Variants in BLTP1 observed in about 807,000 individuals in gnomAD.
BLTP1 encodes fragile site-associated protein.
the BLTP1 span, chr4:122,315,747 T>C: frequency 3.1e-5 from 48 of 1,524,970 alleles, no homozygotes; most frequent in Non-Finnish European, 4.2e-5. Flanking sequence ...GACAGGGATA[T>C]TTTTTGTTCA....
the BLTP1 span, chr4:122,304,666 T>C: frequency 7.0e-7 from 1 of 1,428,710 alleles, no homozygotes; most frequent in Non-Finnish European, 9.2e-7. Context: ...ACCCATATTA[T>C]CTCCAAGGTA....
the BLTP1 span, chr4:122,281,902 T>A: frequency 6.9e-6 from 9 of 1,298,728 alleles, no homozygotes; most frequent in East Asian, 2.7e-4. Flanking sequence ...ACATTTAAAG[T>A]TCATTAATGA....
chr4:122,188,544 A>G, the BLTP1 span, among the ~76,000 whole-genome samples: 6 of 152,032 alleles, frequency 3.9e-5, no homozygotes, highest in African/African-American at 1.2e-4. Flanking sequence ...AAGATGGTAT[A>G]GTTTTGAGAC....
At chr4:122,325,983 A>C in the BLTP1 span, 1 of 424,370 alleles carries the variant, frequency 2.4e-6, no homozygotes, top group South Asian at 2.2e-5. Context: ...ATCTACTTTC[A>C]AAATATCTTC....
the BLTP1 span, chr4:122,348,434 C>A: frequency 2.8e-6 from 2 of 724,860 alleles, no homozygotes; most frequent in East Asian, 2.9e-5. Context: ...ATAGGATAAC[C>A]ATTAAACATT....
At chr4:122,212,686 A>G in the BLTP1 span, among the ~76,000 whole-genome samples, 3 of 152,178 alleles carry the variant, frequency 2.0e-5, no homozygotes, top group Non-Finnish European at 2.9e-5. Flanking sequence ...GAATACAGTG[A>G]AATAAATATA....
the BLTP1 span, chr4:122,206,034 A>C: frequency 1.0e-6 from 1 of 982,972 alleles, no homozygotes; most frequent in Non-Finnish European, 1.2e-6. Context: ...TATTGGGATT[A>C]AAAAAACTTA....
chr4:122,160,670 C>T, the BLTP1 span, among the ~76,000 whole-genome samples: 1 of 152,232 alleles, frequency 6.6e-6, no homozygotes, highest in Non-Finnish European at 1.5e-5. Context: ...ATTAAACACT[C>T]CTTGAAACTT....
chr4:122,352,355 C>CTTTTTTT, the BLTP1 span, among the ~76,000 whole-genome samples: 21 of 111,710 alleles, frequency 1.9e-4, no homozygotes, highest in East Asian at 5.2e-4. Flanking sequence ...TTTGGTTTTT[C>CTTTTTTT]TTTTTTTTTT....
At chr4:122,239,795 A>G in the BLTP1 span, 1 of 1,614,084 alleles carries the variant, frequency 6.2e-7, no homozygotes, top group Non-Finnish European at 8.5e-7. Context: ...CACCATCAGC[A>G]GACTCTAATT....
the BLTP1 span, among the ~76,000 whole-genome samples, chr4:122,240,895 T>C: frequency 1.3e-5 from 2 of 152,212 alleles, no homozygotes; most frequent in Admixed American, 6.5e-5. Context: ...ACTATACTTA[T>C]TTGAAGTGTC....
At chr4:122,262,676 A>T in the BLTP1 span, 1 of 1,458,018 alleles carries the variant, frequency 6.9e-7, no homozygotes, top group Non-Finnish European at 9.2e-7. Flanking sequence ...GCTAGCAGTT[A>T]TAGCAACAGT....
the BLTP1 span, among the ~76,000 whole-genome samples, chr4:122,163,494 G>A: frequency 1.3e-5 from 2 of 152,180 alleles, no homozygotes; most frequent in Admixed American, 1.3e-4. Context: ...GGTATCACAG[G>A]TGTTCATAAT....
At chr4:122,196,794 AATT>A in the BLTP1 span, 1 of 1,457,344 alleles carries the variant, frequency 6.9e-7, no homozygotes, top group South Asian at 1.3e-5. Flanking sequence ...AAAATAGGGT[AATT>A]ATTATAATAA....
the BLTP1 span, chr4:122,250,122 G>C: frequency 2.0e-6 from 1 of 488,662 alleles, no homozygotes; most frequent in Non-Finnish European, 2.7e-6. Context: ...AGGTTGAAAT[G>C]TGTATAACAC....
the BLTP1 span, chr4:122,259,972 AAAGT>A: frequency 1.2e-6 from 1 of 817,626 alleles, no homozygotes; most frequent in Non-Finnish European, 1.5e-6. Flanking sequence ...TACACAGAAC[AAAGT>A]AATATATAGT....
chr4:122,315,102 A>G, the BLTP1 span, among the ~76,000 whole-genome samples: 1 of 152,118 alleles, frequency 6.6e-6, no homozygotes, highest in Non-Finnish European at 1.5e-5. Context: ...ACCTTTCCTC[A>G]AGTCCAGGCA....
At chr4:122,203,875 A>G in the BLTP1 span, 1 of 474,964 alleles carries the variant, frequency 2.1e-6, no homozygotes, top group East Asian at 1.5e-4. Flanking sequence ...AAGATTTGTT[A>G]AAATAGAATT....
the BLTP1 span, chr4:122,162,721 T>G: frequency 1.1e-6 from 1 of 908,086 alleles, no homozygotes; most frequent in Non-Finnish European, 1.3e-6. Flanking sequence ...GTAATGGGGT[T>G]ATAACAACAA....
Sources: gnomAD v4.1 joint callset for allele counts (sites outside exome capture counted in the v4.1 genomes callset) on GRCh38, gnomAD v4.1.1 for gene constraint, MANE v1.5 for transcripts, NCBI Gene and HGNC (gene_info 2026-07-23, HGNC 2026-07-21) for gene names.